Variants in DLG2 observed in about 807,000 individuals in gnomAD.
The protein encoded by DLG2 is discs large MAGUK scaffold protein 2.
A neutral mutation model predicts 132.5 loss-of-function variants in DLG2; 45 were observed. That is an observed-to-expected ratio of 0.34 (90% CI 0.27 to 0.44). The LOEUF is 0.44. Among genes scored for constraint, DLG2 ranks in the 20% least tolerant of loss-of-function variants. The pLI is 1.00. For missense variants in DLG2, 1,045 were observed against 1,196.9 expected (o/e 0.87, Z 1.87); for synonymous variants, 424 against 419.6 (o/e 1.01, Z -0.13).
chr11:85,466,187 C>T (rs116570632), intron 3 of DLG2, among the ~76,000 whole-genome samples: 5,483 of 152,008 alleles, frequency 0.036, 315 homozygotes, highest in African/African-American at 0.12. Context: ...TTGGAGTTCA[C>T]TGTATGTAGA....
At chr11:83,768,174 C>T (rs1019156807) in intron 18 of DLG2, among the ~76,000 whole-genome samples, 1 of 152,094 alleles carries the variant, frequency 6.6e-6, no homozygotes, top group Admixed American at 6.5e-5. Context: ...AAAAATTTTG[C>T]TGCTGCCTAA....
At chr11:84,149,881 C>T (rs969355448) in intron 9 of DLG2, among the ~76,000 whole-genome samples, 5 of 152,198 alleles carry the variant, frequency 3.3e-5, no homozygotes, top group Non-Finnish European at 7.4e-5. Flanking sequence ...CTTCACCCTC[C>T]TGAGTAGCTG....
chr11:83,525,262 G>A (rs2095578280), intron 21 of DLG2, among the ~76,000 whole-genome samples: 1 of 152,276 alleles, frequency 6.6e-6, no homozygotes, highest in East Asian at 1.9e-4. Context: ...ACCATTTTCA[G>A]AAAAGCCACT....
At chr11:84,332,313 G>C (rs112244155) in intron 7 of DLG2, among the ~76,000 whole-genome samples, 11,796 of 150,274 alleles carry the variant, frequency 0.078, 629 homozygotes, top group East Asian at 0.22. Flanking sequence ...CCGGGTTCAC[G>C]CCATTCTCCT....
rs1316184690 is a variant in DLG2, at chr11:84,547,953, T to C, written c.358-13222A>G. 7.9e-5 allele frequency among the ~76,000 whole-genome samples: 12 copies of C among 152,326 alleles called. No homozygotes were observed. The East Asian group carries it at 1.5e-3, about 20-fold the overall frequency. The stretch of plus-strand genomic sequence containing the variant: ...CAAGAAGCCTGTCACTATTCTACAG[T>C]AGAGCTGGTTATTGAACAGTAGTAC... On this transcript the variant is annotated intron_variant, in intron 6 of 27. Coordinates refer to ENST00000376104, the MANE Select transcript of DLG2 (RefSeq NM_001142699.3).
chr11:83,798,810 G>A (rs67305124), intron 17 of DLG2, among the ~76,000 whole-genome samples: 2,525 of 152,200 alleles, frequency 0.017, 29 homozygotes, highest in Non-Finnish European at 0.025. Context: ...GAAGGCTCCC[G>A]TTCTTTTTCA....
chr11:84,650,873 G>GTGTGTGTGTGTATATATATA (rs1424393386), intron 6 of DLG2, among the ~76,000 whole-genome samples: 1 of 124,008 alleles, frequency 8.1e-6, no homozygotes, highest in African/African-American at 3.2e-5. Flanking sequence ...GTGTGTGTGT[G>GTGTGTGTGTGTATATATATA]TATATATATA....
chr11:83,499,852 G>GATATATATATATATATAT lies in DLG2; in HGVS notation c.2194-15642_2194-15625dup, dbSNP rs60890814. On this transcript the variant is annotated intron_variant, in intron 21 of 27. Coordinates refer to ENST00000376104, the MANE Select transcript of DLG2 (RefSeq NM_001142699.3). ...ATATATATTTCCTCCACTAATAGGA[G>GATATATATATATATATAT]ATATATATATATATATATATATATA... Among the ~76,000 whole-genome samples the GATATATATATATATATAT allele has an allele frequency of 6.5e-5, 4 of 61,646 alleles. 1 individual carries two copies. Among genetic ancestry groups the GATATATATATATATATAT allele is most frequent in the Non-Finnish European group, 1.3e-4 (4 of 30,050 alleles). The allele number at this position is 61,646 out of a possible 152,430, so 40.4% of individuals were successfully genotyped here. A position where few individuals can be genotyped will look rare whatever the true frequency, so the allele number is the denominator to read the frequency against.
chr11:85,117,395 T>C (rs2152343536), intron 5 of DLG2, among the ~76,000 whole-genome samples: 1 of 152,166 alleles, frequency 6.6e-6, no homozygotes, highest in East Asian at 1.9e-4. Flanking sequence ...TTAAAAGTTA[T>C]AAGTAAAGCA....
intron 7 of DLG2, among the ~76,000 whole-genome samples, chr11:84,527,529 T>C (rs1451758381): frequency 6.6e-6 from 1 of 152,136 alleles, no homozygotes; most frequent in Non-Finnish European, 1.5e-5. Context: ...CCTCACATAC[T>C]CCTAATTTCC....
chr11:84,653,226 T>A (rs1436383648), intron 6 of DLG2, among the ~76,000 whole-genome samples: 1 of 152,126 alleles, frequency 6.6e-6, no homozygotes, highest in Non-Finnish European at 1.5e-5. Flanking sequence ...CACTGCACCT[T>A]GCCCAATATT....
At chr11:85,134,822 A>G (rs2076038961) in intron 5 of DLG2, among the ~76,000 whole-genome samples, 1 of 152,122 alleles carries the variant, frequency 6.6e-6, no homozygotes, top group South Asian at 2.1e-4. Context: ...TTGATATAAA[A>G]ACCTTCAAAA....
chr11:85,359,010 C>A (rs561452683), intron 3 of DLG2, among the ~76,000 whole-genome samples: 13 of 152,112 alleles, frequency 8.5e-5, no homozygotes, highest in African/African-American at 2.4e-4. Flanking sequence ...AATATAAGAA[C>A]CAAAAATTTA....
At chr11:83,976,199 G>T (rs1055723375) in intron 12 of DLG2, among the ~76,000 whole-genome samples, 3 of 151,902 alleles carry the variant, frequency 2.0e-5, no homozygotes, top group African/African-American at 7.2e-5. Flanking sequence ...GTAGAGGGCA[G>T]TTGCTAGGAG....
chr11:84,380,042 C>CA (rs979648968), intron 7 of DLG2, among the ~76,000 whole-genome samples: 30 of 150,828 alleles, frequency 2.0e-4, no homozygotes, highest in Admixed American at 6.6e-5. Flanking sequence ...CAAGGAACAC[C>CA]AAAAAAACAA....
chr11:84,969,705 GAA>G lies in DLG2; in HGVS notation c.357+141954_357+141955del, dbSNP rs1310202625. Among the ~76,000 whole-genome samples, 6 of 152,180 alleles carry G rather than the reference GAA, an allele frequency of 3.9e-5. No homozygotes were observed. The South Asian group carries it at 1.2e-3, about 32-fold the overall frequency. Reference sequence around the variant, plus strand: ...TAATCAGATTCAGATGTACCAACAAGAAAAGACACATGCACATGTTTACTGCA... The same window carrying G: ...TAATCAGATTCAGATGTACCAACAAGAAGACACATGCACATGTTTACTGCA... On this transcript the variant is annotated intron_variant, in intron 6 of 27. Coordinates refer to ENST00000376104, the MANE Select transcript of DLG2 (RefSeq NM_001142699.3).
intron 8 of DLG2, among the ~76,000 whole-genome samples, chr11:84,214,464 T>G (rs571469512): frequency 2.0e-5 from 3 of 151,804 alleles, no homozygotes; most frequent in Admixed American, 6.6e-5. Context: ...TATGTCTGAG[T>G]ATATCTATAT....
At chr11:84,475,080 T>C (rs149053671) in intron 7 of DLG2, among the ~76,000 whole-genome samples, 19 of 152,228 alleles carry the variant, frequency 1.2e-4, no homozygotes, top group African/African-American at 4.1e-4. Flanking sequence ...ACCAAAAATA[T>C]AGAAGCATGA....
chr11:85,150,916 C>A (rs925562286), intron 5 of DLG2, among the ~76,000 whole-genome samples: 8 of 152,034 alleles, frequency 5.3e-5, no homozygotes, highest in Non-Finnish European at 1.2e-4. Flanking sequence ...CTGGATCGTA[C>A]GGTATTTCTA....
Sources: allele counts gnomAD v4.1 joint callset (sites outside exome capture counted in the v4.1 genomes callset), GRCh38; gene constraint gnomAD v4.1.1; transcripts MANE v1.5; gene names NCBI Gene and HGNC (gene_info 2026-07-23, HGNC 2026-07-21).